The following NKAIN2 variants were observed in gnomAD, a reference collection of about 807,000 sequenced individuals.
NKAIN2 encodes sodium/potassium-transporting ATPase subunit beta-1-interacting protein 2.
Under a neutral mutation model 32.6 loss-of-function variants are expected in NKAIN2, and 14 were observed. That is an observed-to-expected ratio of 0.43 (90% CI 0.28 to 0.67). NKAIN2 has a LOEUF of 0.67. NKAIN2 is among the 30% of genes least tolerant of loss of function. NKAIN2 has a pLI of 0.17. For synonymous variants in NKAIN2, 80 were observed against 87.2 expected (o/e 0.92, Z 0.46); for missense variants, 198 against 258.3 (o/e 0.77, Z 1.60).
At chr6:124,806,882 G>C (rs1780593700) in intron 5 of NKAIN2, among the ~76,000 whole-genome samples, 1 of 152,122 alleles carries the variant, frequency 6.6e-6, no homozygotes, top group South Asian at 2.1e-4. Context: ...AAGATCAAAA[G>C]AGACAAAGAA....
chr6:124,712,361 T>C (rs1475598160), intron 4 of NKAIN2, among the ~76,000 whole-genome samples: 1 of 114,380 alleles, frequency 8.7e-6, no homozygotes, highest in Non-Finnish European at 1.9e-5. Context: ...TGGAGCTTTC[T>C]GGCTGCTTTG....
rs1289275425 is a variant in NKAIN2 at position 123,803,998 on chromosome 6, G to A, written c.-203G>A. ...GAGTGAAGGTATGTGTGGCGGGCGC[G>A]GCTGGAGCTGCCGCCGCCGCCGCCG... On this transcript the variant is annotated 5_prime_UTR_variant, in exon 1 of 7. Transcript: ENST00000368417. The A allele has an allele frequency of 5.1e-6, 3 of 588,896 alleles. No homozygotes were observed. Among genetic ancestry groups the A allele is most frequent in the South Asian group, 1.9e-5 (1 of 51,320 alleles). The allele number at this position is 588,896 out of a possible 1,614,324, so 36.5% of individuals were successfully genotyped here. A position where few individuals can be genotyped will look rare whatever the true frequency, so the allele number is the denominator to read the frequency against.
chr6:124,522,881 C>T (rs961635985), intron 3 of NKAIN2, among the ~76,000 whole-genome samples: 7 of 151,944 alleles, frequency 4.6e-5, no homozygotes, highest in Non-Finnish European at 1.0e-4. Context: ...CGGTGGCTCA[C>T]GCCTGTAATC....
chr6:124,394,890 A>ACAC (rs930052928), intron 3 of NKAIN2, among the ~76,000 whole-genome samples: 2 of 152,062 alleles, frequency 1.3e-5, no homozygotes, highest in African/African-American at 4.8e-5. Flanking sequence ...GTTAACCATC[A>ACAC]CACCCCCAGA....
intron 3 of NKAIN2, among the ~76,000 whole-genome samples, chr6:124,479,120 G>C (rs1358958654): frequency 6.6e-6 from 1 of 152,100 alleles, no homozygotes; most frequent in African/African-American, 2.4e-5. Context: ...GTCATCAAAA[G>C]CAAGGAAATC....
At chr6:124,030,506 C>A (rs1781360819) in intron 1 of NKAIN2, among the ~76,000 whole-genome samples, 1 of 152,152 alleles carries the variant, frequency 6.6e-6, no homozygotes, top group Non-Finnish European at 1.5e-5. Context: ...ATGTAGAATG[C>A]AAAATCATCA....
rs1456564714 is a variant in NKAIN2, at chr6:124,408,240, C to A, written c.273+52893C>A. On this transcript the variant is annotated intron_variant, in intron 3 of 6. Transcript: ENST00000368417. ...TCAATTTTGGCTTTTGTTGCCATTG[C>A]TTTTGGTGTTTTAGACATGAAGTCC... is the stretch of plus-strand genomic sequence containing the variant. Among the ~76,000 whole-genome samples, 4 of 152,070 alleles carry A rather than the reference C, an allele frequency of 2.6e-5. No individual in the cohort carries two copies. In the East Asian group the frequency reaches 7.7e-4, roughly 29 times the overall value.
chr6:124,234,474 A>T (rs1377901728), intron 1 of NKAIN2, among the ~76,000 whole-genome samples: 1 of 152,160 alleles, frequency 6.6e-6, no homozygotes. Flanking sequence ...CAAGTGCTAA[A>T]TTCTAGTATG....
intron 3 of NKAIN2, among the ~76,000 whole-genome samples, chr6:124,442,399 A>G (rs1308988388): frequency 1.3e-5 from 2 of 151,960 alleles, no homozygotes; most frequent in African/African-American, 4.8e-5. Flanking sequence ...TAGTAAGCTG[A>G]TTGATGCATG....
intron 1 of NKAIN2, among the ~76,000 whole-genome samples, chr6:123,860,136 T>A (rs1775725438): frequency 6.6e-6 from 1 of 152,128 alleles, no homozygotes; most frequent in Non-Finnish European, 1.5e-5. Flanking sequence ...ATCTACTCTC[T>A]AAAAGTACAA....
chr6:124,676,940 A>G (rs1773387264), intron 4 of NKAIN2, among the ~76,000 whole-genome samples: 1 of 152,004 alleles, frequency 6.6e-6, no homozygotes, highest in Non-Finnish European at 1.5e-5. Context: ...ATTAAATTGG[A>G]TCTTGTGGGG....
chr6:124,552,953 C>T (rs148685762), intron 3 of NKAIN2, among the ~76,000 whole-genome samples: 154 of 152,278 alleles, frequency 1.0e-3, no homozygotes, highest in African/African-American at 3.6e-3. Flanking sequence ...AACAATTATA[C>T]TTTAACAGGC....
At chr6:123,933,244 A>G (rs1273441858) in intron 1 of NKAIN2, among the ~76,000 whole-genome samples, 1 of 152,198 alleles carries the variant, frequency 6.6e-6, no homozygotes, top group African/African-American at 2.4e-5. Context: ...TCAAATTTGT[A>G]TTTAATGTTG....
At chr6:124,335,036 T>C (rs958502300) in intron 2 of NKAIN2, among the ~76,000 whole-genome samples, 2 of 152,138 alleles carry the variant, frequency 1.3e-5, no homozygotes, top group African/African-American at 2.4e-5. Flanking sequence ...GAGCTTTTGC[T>C]CTTGACGGTA....
At chr6:124,621,766 A>G (rs1783114804) in intron 3 of NKAIN2, among the ~76,000 whole-genome samples, 1 of 152,126 alleles carries the variant, frequency 6.6e-6, no homozygotes, top group Non-Finnish European at 1.5e-5. Flanking sequence ...ACTATCTCTA[A>G]ATAAGAGTTT....
intron 1 of NKAIN2, among the ~76,000 whole-genome samples, chr6:124,136,339 C>T (rs933350090): frequency 2.6e-5 from 4 of 151,856 alleles, no homozygotes; most frequent in South Asian, 2.1e-4. Context: ...CTGAACAGAC[C>T]GAGAACAAGT....
rs74745268 is a variant in NKAIN2 at position 123,992,493 on chromosome 6, G to A, written c.54+188239G>A. Among the ~76,000 whole-genome samples, 258 of 152,302 alleles carry A rather than the reference G, an allele frequency of 1.7e-3. 3 individuals carry two copies. The East Asian group carries it at 0.045, about 26-fold the overall frequency. ...AGAATGAATGGATGAAAGTATTAAA[G>A]TGTAAAATTGAGTCCTCTTGAAGGC... On this transcript the variant is annotated intron_variant, in intron 1 of 6. Transcript: ENST00000368417.
intron 3 of NKAIN2, among the ~76,000 whole-genome samples, chr6:124,471,725 A>G (rs1051954687): frequency 2.0e-5 from 3 of 152,166 alleles, no homozygotes; most frequent in South Asian, 4.1e-4. Context: ...AAGATACTCA[A>G]TGAGAAGTTC....
At chr6:124,417,329 A>C (rs925297362) in intron 3 of NKAIN2, among the ~76,000 whole-genome samples, 3 of 152,222 alleles carry the variant, frequency 2.0e-5, no homozygotes, top group Non-Finnish European at 4.4e-5. Context: ...ACATTTAAAC[A>C]CTCAGTGGAT....
Sources: allele counts gnomAD v4.1 joint callset (sites outside exome capture counted in the v4.1 genomes callset), GRCh38; gene constraint gnomAD v4.1.1; transcripts MANE v1.5; gene names NCBI Gene and HGNC (gene_info 2026-07-23, HGNC 2026-07-21).